FBXL5: variants seen among roughly 807,000 people sequenced by gnomAD.
FBXL5 encodes F-box and leucine rich repeat protein 5.
FBXL5 carries 26 observed loss-of-function variants against 78.3 expected under a neutral mutation model. The observed-to-expected ratio is 0.33, with a 90% confidence interval of 0.24 to 0.46. FBXL5 has a LOEUF of 0.46. FBXL5 is among the 20% of genes least tolerant of loss of function. FBXL5 has a pLI of 1.00. For missense variants in FBXL5, 710 were observed against 829.2 expected (o/e 0.86, Z 1.77); for synonymous variants, 295 against 282.5 (o/e 1.04, Z -0.45).
At chr4:15,614,765 C>T (rs1711600269) in intron 9 of FBXL5, among the ~76,000 whole-genome samples, 1 of 152,132 alleles carries the variant, frequency 6.6e-6, no homozygotes, top group Admixed American at 6.5e-5. Context: ...GTCCTCACAG[C>T]CCTCGCTTGC....
chr4:15,655,653 C>A (rs192167412), upstream of FBXL5, among the ~76,000 whole-genome samples: 459 of 152,336 alleles, frequency 3.0e-3, 3 homozygotes, highest in African/African-American at 0.011. Context: ...CGGCGCTTCT[C>A]CCGTTGCTGC....
At chr4:15,655,423 G>A (rs1487153424), upstream of FBXL5, 2 of 996,036 alleles carry the variant, frequency 2.0e-6, no homozygotes, top group Non-Finnish European at 2.4e-6. Flanking sequence ...CGGCTTGGCC[G>A]GCGGGGACGC....
intron 6 of FBXL5, 71 bp downstream of exon 6, chr4:15,630,595 T>G: frequency 7.4e-7 from 1 of 1,347,660 alleles, no homozygotes; most frequent in Non-Finnish European, 9.8e-7. Flanking sequence ...ATCTAATACC[T>G]AATAATTATA....
chr4:15,643,480 T>A (rs1715093605), intron 2 of FBXL5, among the ~76,000 whole-genome samples: 5 of 152,248 alleles, frequency 3.3e-5, no homozygotes, highest in Admixed American at 3.3e-4. Flanking sequence ...TACCCAGTAA[T>A]ATCTTTAGCT....
rs375433786 is a variant in FBXL5, at chr4:15,679,586, C to A, written c.-284+1797G>T. 4.3e-3 allele frequency among the ~76,000 whole-genome samples: 613 copies of A among 142,330 alleles called. 2 individuals carry two copies. Among genetic ancestry groups the A allele is most frequent in the African/African-American group, 5.2e-3 (202 of 38,630 alleles). 93.4% of individuals were successfully genotyped at this position (142,330 alleles called of 152,430 possible). A position where few individuals can be genotyped will look rare whatever the true frequency, so the allele number is the denominator to read the frequency against. The stretch of plus-strand genomic sequence containing the variant: ...ACAAAAAAAAAAAAAAACAAAAAAA[C>A]AAAAAACCAACACCCAATGGTCCCA... On this transcript the variant is annotated intron_variant, in intron 1 of 4. Transcript: ENST00000507899.
chr4:15,611,383 T>G (rs1325952802), intron 10 of FBXL5, among the ~76,000 whole-genome samples: 1 of 152,084 alleles, frequency 6.6e-6, no homozygotes, highest in African/African-American at 2.4e-5. Context: ...TTTCCTGTCA[T>G]CTTAAGGTGA....
intron 9 of FBXL5, among the ~76,000 whole-genome samples, chr4:15,616,258 A>G (rs1254314300): frequency 6.6e-6 from 1 of 152,242 alleles, no homozygotes; most frequent in East Asian, 1.9e-4. Flanking sequence ...CAGTGAGACC[A>G]AGAACCCACC....
At chr4:15,640,506 A>C (rs1714745764) in intron 3 of FBXL5, among the ~76,000 whole-genome samples, 1 of 152,034 alleles carries the variant, frequency 6.6e-6, no homozygotes, top group African/African-American at 2.4e-5. Flanking sequence ...GGGTAGCATA[A>C]GTTATTAATA....
At chr4:15,621,103 G>A (rs1453467866) in intron 9 of FBXL5, among the ~76,000 whole-genome samples, 1 of 152,030 alleles carries the variant, frequency 6.6e-6, no homozygotes, top group African/African-American at 2.4e-5. Context: ...TTCCTCTAGC[G>A]CCACTGGGTT....
At chr4:15,647,223 A>AG (rs1715460814) in intron 1 of FBXL5, among the ~76,000 whole-genome samples, 1 of 23,740 alleles carries the variant, frequency 4.2e-5, no homozygotes, top group Non-Finnish European at 9.3e-5. Context: ...ACTCCATCTC[A>AG]AAAAAAAAAA....
intron 1 of FBXL5, among the ~76,000 whole-genome samples, chr4:15,673,243 C>A (rs1022423469): frequency 7.2e-5 from 11 of 152,110 alleles, no homozygotes; most frequent in African/African-American, 2.7e-4. Flanking sequence ...AGTTTGAAAC[C>A]AGCCTGGACA....
intron 1 of FBXL5, among the ~76,000 whole-genome samples, chr4:15,671,883 C>G (rs1030861457): frequency 2.0e-5 from 3 of 152,192 alleles, no homozygotes; most frequent in South Asian, 4.1e-4. Flanking sequence ...CAGTTTTCAT[C>G]TCTAGAAGTT....
At chr4:15,617,590 T>C (rs925354843) in intron 9 of FBXL5, among the ~76,000 whole-genome samples, 1 of 147,928 alleles carries the variant, frequency 6.8e-6, no homozygotes, top group African/African-American at 2.5e-5. Flanking sequence ...ATATACACCA[T>C]GAAATACTAT....
intron 1 of FBXL5, among the ~76,000 whole-genome samples, chr4:15,666,743 C>T (rs1010905602): frequency 6.6e-6 from 1 of 152,028 alleles, no homozygotes. Flanking sequence ...GAGGCTTGAG[C>T]CTGGGAGGTC....
At chr4:15,679,562 CAA>C (rs1202369624) in intron 1 of FBXL5, among the ~76,000 whole-genome samples, 19 of 94,376 alleles carry the variant, frequency 2.0e-4, no homozygotes, top group African/African-American at 2.9e-4. Flanking sequence ...AGTTCAGGAA[CAA>C]AAAAAAAAAA....
chr4:15,627,291 C>T, intron 7 of FBXL5, among the ~76,000 whole-genome samples: 1 of 152,082 alleles, frequency 6.6e-6, no homozygotes, highest in Non-Finnish European at 1.5e-5. Context: ...CACGCCACTA[C>T]ATCTGGCTAA....
chr4:15,642,960 CA>C (rs1280717838), intron 2 of FBXL5, among the ~76,000 whole-genome samples: 1 of 152,146 alleles, frequency 6.6e-6, no homozygotes, highest in Non-Finnish European at 1.5e-5. Context: ...TACATTCTAT[CA>C]ATTTTATTTC....
At chr4:15,618,582 T>C (rs949119163) in intron 9 of FBXL5, among the ~76,000 whole-genome samples, 2 of 152,262 alleles carry the variant, frequency 1.3e-5, no homozygotes, top group Middle Eastern at 3.2e-3. Flanking sequence ...GGCTCACGCC[T>C]GCAATTCCAG....
upstream of FBXL5, among the ~76,000 whole-genome samples, chr4:15,657,604 C>T (rs1287528123): frequency 6.6e-6 from 1 of 152,204 alleles, no homozygotes; most frequent in African/African-American, 2.4e-5. Context: ...CTGGCCATTT[C>T]AAGGAATTTG....
Sources: gnomAD v4.1 joint callset for allele counts (sites outside exome capture counted in the v4.1 genomes callset) on GRCh38, gnomAD v4.1.1 for gene constraint, MANE v1.5 for transcripts, NCBI Gene and HGNC (gene_info 2026-07-23, HGNC 2026-07-21) for gene names.